Variants in PAAF1 observed in about 807,000 individuals in gnomAD.
The protein encoded by PAAF1 is proteasomal ATPase-associated factor 1.
In PAAF1, 46 loss-of-function variants were observed where a neutral mutation model predicts 52.8. The observed-to-expected ratio is 0.87, with a 90% CI of 0.69 to 1.11. The LOEUF (loss-of-function observed/expected upper bound fraction) is 1.11. Ranked by LOEUF, PAAF1 falls within the 50% of genes most tolerant of loss-of-function variation. The pLI is 0.00. For synonymous variants in PAAF1, 178 were observed against 172.8 expected (o/e 1.03, Z -0.24); for missense variants, 424 against 477.4 (o/e 0.89, Z 1.04).
intron 4 of PAAF1, among the ~76,000 whole-genome samples, chr11:73,895,269 T>C (rs1263888032): frequency 2.0e-5 from 3 of 152,170 alleles, no homozygotes; most frequent in South Asian, 4.1e-4. Flanking sequence ...CATTTACTAA[T>C]TGGAGGAGGA....
chr11:73,917,614 G>A (rs1020926509), intron 9 of PAAF1, among the ~76,000 whole-genome samples: 3 of 152,204 alleles, frequency 2.0e-5, no homozygotes, highest in Admixed American at 6.5e-5. Context: ...GCTCACGCCT[G>A]TAACCCCAGC....
intron 3 of PAAF1, 38 bp from the exon 4 acceptor site, chr11:73,891,074 G>A: frequency 2.4e-6 from 3 of 1,271,976 alleles, no homozygotes; most frequent in Non-Finnish European, 3.4e-6. Context: ...CATTGGAGGA[G>A]TTTTACTGAT....
intron 3 of PAAF1, among the ~76,000 whole-genome samples, chr11:73,890,252 T>C (rs1949163242): frequency 6.6e-6 from 1 of 152,182 alleles, no homozygotes; most frequent in South Asian, 2.1e-4. Context: ...AGGGAGGGTT[T>C]ACCAAGCCTT....
intron 2 of PAAF1, among the ~76,000 whole-genome samples, chr11:73,882,179 C>T (rs1948929143): frequency 6.6e-6 from 1 of 151,196 alleles, no homozygotes; most frequent in Admixed American, 6.6e-5. Context: ...CTGTGCCCCG[C>T]AATTTTTTGT....
At position 73,928,466 on chromosome 11, in the gene PAAF1, G is replaced by A. The variant is rs1002074837; in HGVS notation, c.*1104G>A. 9 of 152,160 alleles carry A rather than the reference G, an allele frequency of 5.9e-5. No homozygotes were observed. The highest frequency in any genetic ancestry group is 2.2e-4 in the African/African-American group (9 of 41,446). The allele number at this position is 152,160 out of a possible 1,614,324, so 9.4% of individuals were successfully genotyped here. A position where few individuals can be genotyped will look rare whatever the true frequency, so the allele number is the denominator to read the frequency against. ...TCCTTTTTTCTCTAAACATAAAAAT[G>A]GAATCATAATGTATGTATTCCATGG... On this transcript the variant is annotated 3_prime_UTR_variant, in exon 12 of 12. Transcript: ENST00000310571.
At chr11:73,894,483 TATA>T (rs1249599145) in intron 4 of PAAF1, among the ~76,000 whole-genome samples, 1 of 151,892 alleles carries the variant, frequency 6.6e-6, no homozygotes. Flanking sequence ...CTACTAAAAA[TATA>T]AAAATCGGAG....
intron 4 of PAAF1, among the ~76,000 whole-genome samples, chr11:73,897,391 G>A (rs1949433793): frequency 6.6e-6 from 1 of 151,640 alleles, no homozygotes; most frequent in African/African-American, 2.4e-5. Flanking sequence ...TCTCAGACGG[G>A]GTGGCTGCTG....
chr11:73,878,973 C>G, intron 2 of PAAF1, 154 bp downstream of exon 2: 3 of 504,190 alleles, frequency 6.0e-6, no homozygotes, highest in Non-Finnish European at 1.0e-5. Context: ...CACCCCAACT[C>G]CTCCATTCCA....
chr11:73,877,064 C>A lies in PAAF1; in HGVS notation c.43C>A (p.Leu15Ile). ...LRIQSDWAQALRKDEGEAWLS... is the reference protein window; with the variant it reads ...LRIQSDWAQAIRKDEGEAWLS... ...GATTCAGAGCGACTGGGCGCAAGCC[C>A]TCAGGTGAATCCAGGCCCAGAACAG... The change falls in exon 1 of 12, where the codon CTC becomes ATC. Residue 15 changes from leucine (L) to isoleucine (I), a missense_variant. Physicochemically the swap from Leu to Ile is conservative, Grantham distance 5. Coordinates refer to ENST00000310571, the MANE Select transcript of PAAF1 (RefSeq NM_025155.3). 2.0e-6 allele frequency: 3 copies of A among 1,537,712 alleles called. No individual in the cohort carries two copies. The highest frequency in any genetic ancestry group is 2.6e-6 in the Non-Finnish European group (3 of 1,139,852).
At position 73,928,055 on chromosome 11, in the gene PAAF1, A is replaced by C. The variant is rs1195964502; in HGVS notation, c.*693A>C. 1 of 152,314 alleles carries C rather than the reference A, an allele frequency of 6.6e-6. No individual in the cohort carries two copies. Among genetic ancestry groups the C allele is most frequent in the African/African-American group, 2.4e-5 (1 of 41,462 alleles). The allele number at this position is 152,314 out of a possible 1,614,324, so 9.4% of individuals were successfully genotyped here. A position where few individuals can be genotyped will look rare whatever the true frequency, so the allele number is the denominator to read the frequency against. Reference sequence around the variant, plus strand: ...AAGCATTGTAAAGGCATTGGCTGTCAAAGTGTGGTTCTTAGAACAGCAGCA... The same window carrying C: ...AAGCATTGTAAAGGCATTGGCTGTCCAAGTGTGGTTCTTAGAACAGCAGCA... On this transcript the variant is annotated 3_prime_UTR_variant, in exon 12 of 12. Coordinates refer to ENST00000310571, the MANE Select transcript of PAAF1 (RefSeq NM_025155.3).
At position 73,916,578 on chromosome 11, in the gene PAAF1, T is replaced by G; in HGVS notation, c.853T>G (p.Cys285Gly). 1 of 1,614,018 alleles carries G rather than the reference T, an allele frequency of 6.2e-7. No homozygotes were observed. The highest frequency in any genetic ancestry group is 8.5e-7 in the Non-Finnish European group (1 of 1,179,914). The change falls in exon 9 of 12, where the codon TGC becomes GGC. Residue 285 changes from cysteine (C) to glycine (G), a missense_variant. Cys to Gly is a radical substitution (Grantham distance 159, BLOSUM62 -3). Transcript: ENST00000310571. ...FLFIGSDAFNCCTFLSGFLLL... is the reference protein window; with the variant it reads ...FLFIGSDAFNGCTFLSGFLLL... ...CTTTATTGGCTCAGACGCTTTCAAC[T>G]GCTGTACTTTTCTCTCTGGCTTCTT...
At chr11:73,924,804 T>A in intron 11 of PAAF1, 107 bp downstream of exon 11, 1 of 865,310 alleles carries the variant, frequency 1.2e-6, no homozygotes. Flanking sequence ...GATAAAATAG[T>A]GCTTATTGTA....
chr11:73,882,851 C>T (rs987351667), intron 2 of PAAF1, among the ~76,000 whole-genome samples: 1 of 152,110 alleles, frequency 6.6e-6, no homozygotes, highest in African/African-American at 2.4e-5. Flanking sequence ...GATCCGCCCA[C>T]CTCGGCCTCC....
chr11:73,900,724 T>C (rs910003496), intron 6 of PAAF1, among the ~76,000 whole-genome samples: 1 of 152,110 alleles, frequency 6.6e-6, no homozygotes, highest in Non-Finnish European at 1.5e-5. Context: ...GGCTCACGCC[T>C]GTAATCCCAG....
chr11:73,929,784 TGG>T lies in PAAF1; in HGVS notation c.*2423_*2424del, dbSNP rs1950430406. On this transcript the variant is annotated 3_prime_UTR_variant, in exon 12 of 12. Coordinates refer to ENST00000310571, the MANE Select transcript of PAAF1 (RefSeq NM_025155.3). ...TAAGAAAACAGGATGAGGCTGGGCA[TGG>T]TGGCTCACGCCTATAATCCCAGCAC... 6.6e-6 allele frequency: 1 copy of T among 152,172 alleles called. No individual in the cohort carries two copies. The highest frequency in any genetic ancestry group is 2.4e-5 in the African/African-American group (1 of 41,422). The allele number at this position is 152,172 out of a possible 1,614,324, so 9.4% of individuals were successfully genotyped here.
Position 73,918,956 on chromosome 11 carries a change from G to A in PAAF1, c.942G>A (p.Pro314=), listed in dbSNP as rs757542707. 29 of 1,612,110 alleles carry A rather than the reference G, an allele frequency of 1.8e-5. No individual in the cohort carries two copies. The highest frequency in any genetic ancestry group is 8.8e-5 in the South Asian group (8 of 90,640). Residue 314 remains proline (P), a synonymous_variant, in exon 10 of 12, where the codon CCG becomes CCA. Transcript: ENST00000310571. ...YQLDVRSPRA[P]VQVIHRSGAP... ...CCCTTTCTCTGAATCCTAGGGCTCC[G>A]GTACAAGTCATCCACAGATCAGGAG...
intron 1 of PAAF1, 34 bp downstream of exon 1, chr11:73,877,102 C>T (rs1256913067): frequency 2.7e-6 from 4 of 1,496,954 alleles, no homozygotes; most frequent in South Asian, 1.3e-5. Flanking sequence ...TCAGAGGAGG[C>T]GGGTAGTGGA....
intron 2 of PAAF1, 31 bp from the exon 3 acceptor site, chr11:73,887,323 T>C (rs1949088310): frequency 6.6e-7 from 1 of 1,518,060 alleles, no homozygotes; most frequent in African/African-American, 1.4e-5. Flanking sequence ...TTTTCTTATT[T>C]TTTGAGACAT....
chr11:73,899,101 G>T lies in PAAF1; in HGVS notation c.283-45G>T, dbSNP rs754958028. 6 of 1,428,026 alleles carry T rather than the reference G, an allele frequency of 4.2e-6. No individual in the cohort carries two copies. In the South Asian group the frequency reaches 7.0e-5, roughly 17 times the overall value. 88.5% of individuals were successfully genotyped at this position (1,428,026 alleles called of 1,614,324 possible). On this transcript the variant is annotated intron_variant, in intron 4 of 11. Transcript: ENST00000310571. ...TATAACATATTTCAAGGGAATAAGA[G>T]TATTTCATTATTTCTAACACATTGT...
Sources: gnomAD v4.1 joint callset for allele counts (sites outside exome capture counted in the v4.1 genomes callset) on GRCh38, gnomAD v4.1.1 for gene constraint, MANE v1.5 for transcripts, NCBI Gene and HGNC (gene_info 2026-07-23, HGNC 2026-07-21) for gene names.